ADHFE1: variants seen among roughly 807,000 people sequenced by gnomAD.
The protein encoded by ADHFE1 is alcohol dehydrogenase iron containing 1.
A neutral mutation model predicts 54.8 loss-of-function variants in ADHFE1; 37 were observed. The observed-to-expected ratio is 0.68, with a 90% CI of 0.52 to 0.89. ADHFE1 has a LOEUF of 0.89. Among genes scored for constraint, ADHFE1 ranks in the 40% least tolerant of loss-of-function variants. ADHFE1 has a pLI of 0.00. For missense variants in ADHFE1, 601 were observed against 591.2 expected (o/e 1.02, Z -0.17); for synonymous variants, 203 against 229.3 (o/e 0.89, Z 1.04).
At chr8:66,465,619 G>A (rs1026790580) in intron 13 of ADHFE1, among the ~76,000 whole-genome samples, 4 of 151,592 alleles carry the variant, frequency 2.6e-5, no homozygotes, top group African/African-American at 9.7e-5. Context: ...TTCTTTTTTT[G>A]AGACGGATTC....
intron 1 of ADHFE1, among the ~76,000 whole-genome samples, chr8:66,433,131 C>T (rs1040756990): frequency 6.6e-6 from 1 of 152,106 alleles, no homozygotes; most frequent in Non-Finnish European, 1.5e-5. Context: ...TGTCATGACA[C>T]GCCTGCCTCC....
intron 2 of ADHFE1, among the ~76,000 whole-genome samples, chr8:66,442,507 T>C (rs1805809487): frequency 6.6e-6 from 1 of 152,002 alleles, no homozygotes; most frequent in Non-Finnish European, 1.5e-5. Context: ...GAGACAGGGT[T>C]CTACCATGTT....
intron 1 of ADHFE1, among the ~76,000 whole-genome samples, chr8:66,438,507 C>T (rs1805577680): frequency 1.3e-5 from 2 of 152,114 alleles, no homozygotes; most frequent in South Asian, 2.1e-4. Flanking sequence ...TGTGGCCACG[C>T]GTTTCATGCT....
At chr8:66,467,084 CA>C (rs372884379) in intron 13 of ADHFE1, among the ~76,000 whole-genome samples, 15 of 152,106 alleles carry the variant, frequency 9.9e-5, no homozygotes, top group African/African-American at 3.6e-4. Context: ...AAGAATGGAG[CA>C]AAAGTGGAAA....
Position 66,460,475 on chromosome 8 carries a change from C to T in ADHFE1, c.1320+10C>T, listed in dbSNP as rs201682456. On this transcript the variant is annotated intron_variant, in intron 13 of 13. Transcript: ENST00000396623. Reference sequence around the variant, plus strand: ...AGGAACGCTGCCCCAGGTAAGAGACCGGCAGGCTCCTCACTCCCTGCGAAG... The same window carrying T: ...AGGAACGCTGCCCCAGGTAAGAGACTGGCAGGCTCCTCACTCCCTGCGAAG... 1.8e-5 allele frequency: 28 copies of T among 1,564,726 alleles called. No individual in the cohort carries two copies. Among genetic ancestry groups the T allele is most frequent in the East Asian group, 4.6e-5 (2 of 43,676 alleles).
At chr8:66,432,924 A>G in intron 1 of ADHFE1, 1 of 1,082,976 alleles carries the variant, frequency 9.2e-7, no homozygotes, top group Non-Finnish European at 1.1e-6. Context: ...TTGGGCATAT[A>G]TTATGTGCCA....
In ADHFE1 at chr8:66,449,016, A is replaced by G. The variant is rs776651697; in HGVS notation, c.734+46A>G. 2.0e-6 allele frequency: 3 copies of G among 1,509,380 alleles called. No individual in the cohort carries two copies. In the South Asian group the frequency reaches 3.4e-5, roughly 17 times the overall value. The allele number at this position is 1,509,380 out of a possible 1,614,324, so 93.5% of individuals were successfully genotyped here. ...GAGGGGCTTTTTTAGTACTGGGTCT[A>G]TGGATAGTATTTTGTTGCTCAACGC... On this transcript the variant is annotated intron_variant, in intron 8 of 13. Coordinates refer to ENST00000396623, the MANE Select transcript of ADHFE1 (RefSeq NM_144650.3).
intron 8 of ADHFE1, among the ~76,000 whole-genome samples, chr8:66,451,606 C>T (rs1310228670): frequency 1.3e-5 from 2 of 152,074 alleles, no homozygotes; most frequent in African/African-American, 4.8e-5. Flanking sequence ...AAATATCTTC[C>T]ATAAGGAAGT....
At chr8:66,465,530 A>C (rs1047393070) in intron 13 of ADHFE1, among the ~76,000 whole-genome samples, 1 of 152,212 alleles carries the variant, frequency 6.6e-6, no homozygotes, top group Non-Finnish European at 1.5e-5. Flanking sequence ...CTTTGGAGAA[A>C]TAACTAATCA....
At chr8:66,436,315 C>G (rs1805465144) in intron 1 of ADHFE1, among the ~76,000 whole-genome samples, 1 of 152,170 alleles carries the variant, frequency 6.6e-6, no homozygotes, top group Non-Finnish European at 1.5e-5. Flanking sequence ...GATTACTCAA[C>G]TCAGTGATTA....
intron 10 of ADHFE1, among the ~76,000 whole-genome samples, chr8:66,456,413 C>G (rs1397601686): frequency 6.6e-6 from 1 of 152,182 alleles, no homozygotes; most frequent in African/African-American, 2.4e-5. Flanking sequence ...TCACAAAATT[C>G]CCCCGACATC....
chr8:66,459,431 T>TATATATATA (rs60104059), intron 12 of ADHFE1: 84 of 95,542 alleles, frequency 8.8e-4, no homozygotes, highest in African/African-American at 2.3e-3. Flanking sequence ...TATATATATA[T>TATATATATA]TTTTTTTTTT....
chr8:66,445,165 C>A lies in ADHFE1; in HGVS notation c.354-53C>A, dbSNP rs113792867. 2.2e-3 allele frequency: 3,216 copies of A among 1,491,988 alleles called. 66 individuals are homozygous for A. In the African/African-American group the frequency reaches 0.04, roughly 18 times the overall value. 92.4% of individuals were successfully genotyped at this position (1,491,988 alleles called of 1,614,324 possible). ...CCCCAAGCCTTAGTTAATGGCATGG[C>A]AATTTATTTCTGAAAAATATAACAT... On this transcript the variant is annotated intron_variant, in intron 5 of 13. Transcript: ENST00000396623.
At chr8:66,448,841 C>CTT in intron 7 of ADHFE1, 24 bp from the exon 8 acceptor site, 1 of 1,596,888 alleles carries the variant, frequency 6.3e-7, no homozygotes, top group African/African-American at 1.3e-5. Context: ...GCTTTAGCCT[C>CTT]TACTGAAAAT....
intron 7 of ADHFE1, among the ~76,000 whole-genome samples, chr8:66,448,643 A>G (rs182867767): frequency 6.6e-6 from 1 of 152,328 alleles, no homozygotes; most frequent in African/African-American, 2.4e-5. Flanking sequence ...AGATGCATAC[A>G]CATGGCCCTT....
At chr8:66,451,772 T>C (rs1007662637) in intron 8 of ADHFE1, among the ~76,000 whole-genome samples, 181 bp from the exon 9 acceptor site, 5 of 152,216 alleles carry the variant, frequency 3.3e-5, no homozygotes, top group Non-Finnish European at 7.3e-5. Context: ...TAATTTATAT[T>C]ATAAGTAATG....
At chr8:66,462,538 C>A (rs1453410576) in intron 13 of ADHFE1, among the ~76,000 whole-genome samples, 1 of 152,188 alleles carries the variant, frequency 6.6e-6, no homozygotes, top group East Asian at 1.9e-4. Context: ...AGATATGAGC[C>A]ACAGTGCCTG....
intron 9 of ADHFE1, chr8:66,453,663 C>CTGG: frequency 1.5e-6 from 2 of 1,360,544 alleles, no homozygotes; most frequent in Non-Finnish European, 9.8e-7. Flanking sequence ...AGAGCGCTGG[C>CTGG]CGGCAGGTAG....
intron 12 of ADHFE1, among the ~76,000 whole-genome samples, 167 bp downstream of exon 12, chr8:66,457,333 C>T (rs1362044169): frequency 1.4e-5 from 2 of 147,126 alleles, no homozygotes; most frequent in African/African-American, 5.1e-5. Flanking sequence ...AAAAAAATAG[C>T]CGTGTACAGT....
Sources: allele counts gnomAD v4.1 joint callset (sites outside exome capture counted in the v4.1 genomes callset), GRCh38; gene constraint gnomAD v4.1.1; transcripts MANE v1.5; gene names NCBI Gene and HGNC (gene_info 2026-07-23, HGNC 2026-07-21).